PPEF1: variants seen among roughly 807,000 people sequenced by gnomAD.
The protein encoded by PPEF1 is serine/threonine-protein phosphatase with EF-hands 1.
A neutral mutation model predicts 53.3 loss-of-function variants in PPEF1; 12 were observed. That is an observed-to-expected ratio of 0.23 (90% confidence interval 0.14 to 0.36). PPEF1 has a LOEUF of 0.36. Ranked by LOEUF, PPEF1 falls within the 10% of genes least tolerant of loss-of-function variation. PPEF1 has a pLI of 1.00. For missense variants in PPEF1, 334 were observed against 490.4 expected, an observed-to-expected ratio of 0.68 and a Z score of 3.01; for synonymous variants, 165 against 176.7, an observed-to-expected ratio of 0.93 and a Z score of 0.52.
At chrX:18,819,791 A>G (rs1025097257) in intron 13 of PPEF1, among the ~76,000 whole-genome samples, 1 of 112,274 alleles carries the variant, frequency 8.9e-6, no homozygotes, top group African/African-American at 3.2e-5. Context: ...AAGAGACCAT[A>G]TATTTGACAT....
intron 7 of PPEF1, among the ~76,000 whole-genome samples, chrX:18,781,501 A>G (rs2046085198): frequency 9.0e-6 from 1 of 111,585 alleles, no homozygotes; most frequent in African/African-American, 3.3e-5. Flanking sequence ...CAAGGAAAGA[A>G]AAGTTTTCTA....
At chrX:18,825,277 A>G (rs2047145990) in intron 14 of PPEF1, among the ~76,000 whole-genome samples, 1 of 111,245 alleles carries the variant, frequency 9.0e-6, no homozygotes. Context: ...GTTAGAGACT[A>G]AAGTATCCCC....
intron 2 of PPEF1, among the ~76,000 whole-genome samples, chrX:18,732,781 G>C (rs769027634): frequency 1.4e-4 from 16 of 112,314 alleles, no homozygotes; most frequent in Non-Finnish European, 2.6e-4. Context: ...CAGATACCTG[G>C]TGGCCATAGA....
chrX:18,732,177 T>C (rs1163370370), intron 2 of PPEF1, among the ~76,000 whole-genome samples: 1 of 112,999 alleles, frequency 8.8e-6, no homozygotes, highest in Admixed American at 9.3e-5. Flanking sequence ...ATATCAGGAC[T>C]TCATTCCTTT....
At chrX:18,799,495 A>C (rs1390944029) in intron 10 of PPEF1, among the ~76,000 whole-genome samples, 1 of 112,281 alleles carries the variant, frequency 8.9e-6, no homozygotes, top group African/African-American at 3.2e-5. Context: ...ATATGAAAGA[A>C]TAGTGAATCT....
At chrX:18,710,664 A>G (rs1446704639) in intron 1 of PPEF1, among the ~76,000 whole-genome samples, 1 of 111,728 alleles carries the variant, frequency 9.0e-6, no homozygotes, top group Non-Finnish European at 1.9e-5. Context: ...GCTATTACTA[A>G]AAAGTCAAAA....
intron 1 of PPEF1, among the ~76,000 whole-genome samples, chrX:18,677,567 T>A (rs923989529): frequency 2.7e-5 from 3 of 111,623 alleles, no homozygotes; most frequent in Non-Finnish European, 5.6e-5. Context: ...TGTCCACTTC[T>A]AAGGACGGTT....
intron 12 of PPEF1, 54 bp from the exon 13 acceptor site, chrX:18,817,985 A>C: frequency 2.1e-6 from 2 of 933,347 alleles, no homozygotes; most frequent in Non-Finnish European, 3.0e-6. Context: ...CATTAAAATG[A>C]AACACAACAG....
chrX:18,678,591 ACTCCAC>A (rs1928767768), upstream of PPEF1, among the ~76,000 whole-genome samples: 1 of 111,461 alleles, frequency 9.0e-6, no homozygotes, highest in South Asian at 3.7e-4. Flanking sequence ...TTGTTCCAGC[ACTCCAC>A]CAAAATTCCT....
chrX:18,794,076 T>G (rs185753105), intron 10 of PPEF1, among the ~76,000 whole-genome samples: 8 of 112,777 alleles, frequency 7.1e-5, no homozygotes, highest in Non-Finnish European at 1.3e-4. Flanking sequence ...GATTGCTCTA[T>G]TGTTTTTAAC....
upstream of PPEF1, among the ~76,000 whole-genome samples, chrX:18,703,650 C>T (rs1342754133): frequency 8.9e-6 from 1 of 111,758 alleles, no homozygotes; most frequent in African/African-American, 3.3e-5. Flanking sequence ...GGAAGTTGCC[C>T]GTGGGGCTAA....
At chrX:18,825,953 T>TC in intron 15 of PPEF1, 118 bp downstream of exon 15, 1 of 468,813 alleles carries the variant, frequency 2.1e-6, no homozygotes, top group Non-Finnish European at 3.5e-6. Flanking sequence ...GACACCTTCA[T>TC]TGGTAAGATG....
intron 7 of PPEF1, among the ~76,000 whole-genome samples, chrX:18,780,424 G>A (rs1259073112): frequency 8.9e-6 from 1 of 112,561 alleles, no homozygotes; most frequent in African/African-American, 3.2e-5. Flanking sequence ...GAGGACAGGA[G>A]CATAGACTGA....
intron 1 of PPEF1, among the ~76,000 whole-genome samples, chrX:18,718,008 A>G (rs2044497077): frequency 9.0e-6 from 1 of 111,662 alleles, no homozygotes; most frequent in Non-Finnish European, 1.9e-5. Flanking sequence ...CTCACTACCA[A>G]TTCTTAGGTA....
At chrX:18,701,151 A>C (rs1930089079) in intron 6 of PPEF1, among the ~76,000 whole-genome samples, 1 of 112,308 alleles carries the variant, frequency 8.9e-6, no homozygotes, top group African/African-American at 3.2e-5. Context: ...AGCACCCACT[A>C]TGCTGGGTAA....
intron 6 of PPEF1, among the ~76,000 whole-genome samples, chrX:18,772,485 A>G (rs1388659274): frequency 2.7e-5 from 3 of 111,286 alleles, no homozygotes; most frequent in African/African-American, 9.8e-5. Context: ...CGTCTCTGCC[A>G]GGGTTTGGTA....
At chrX:18,685,800 C>T (rs1929056866) in intron 2 of PPEF1, among the ~76,000 whole-genome samples, 1 of 111,098 alleles carries the variant, frequency 9.0e-6, no homozygotes, top group Non-Finnish European at 1.9e-5. Context: ...ACATTTCTAG[C>T]GTCTGCTTCT....
chrX:18,747,186 T>G (rs1387955986), intron 3 of PPEF1, among the ~76,000 whole-genome samples: 4 of 111,100 alleles, frequency 3.6e-5, no homozygotes, highest in Admixed American at 9.6e-5. Flanking sequence ...ATCGCCAGTG[T>G]GGGGGAGATG....
At chrX:18,680,429 C>CTTTTTT (rs769412688), upstream of PPEF1, among the ~76,000 whole-genome samples, 73 of 78,667 alleles carry the variant, frequency 9.3e-4, no homozygotes, top group Admixed American at 1.9e-3. Context: ...AATTTCTTCT[C>CTTTTTT]TTTTTTTTTT....
Sources: gnomAD v4.1 joint callset for allele counts (sites outside exome capture counted in the v4.1 genomes callset) on GRCh38, gnomAD v4.1.1 for gene constraint, MANE v1.5 for transcripts, NCBI Gene and HGNC (gene_info 2026-07-23, HGNC 2026-07-21) for gene names.